The following SHB variants were observed in gnomAD, a reference collection of about 807,000 sequenced individuals.
The protein encoded by SHB is SH2 domain-containing adapter protein B.
SHB carries 20 observed loss-of-function variants against 52.3 expected under a neutral mutation model. That is an observed-to-expected ratio of 0.38 (90% CI 0.27 to 0.56). The LOEUF (loss-of-function observed/expected upper bound fraction) is 0.56, where lower values mean the gene tolerates loss of function less well. SHB is among the 20% of genes least tolerant of loss of function. The pLI, the probability that SHB is intolerant of heterozygous loss-of-function variation, is 0.71. For synonymous variants in SHB, 397 were observed against 316.5 expected (o/e 1.25, Z -2.70); for missense variants, 825 against 723.3 (o/e 1.14, Z -1.61).
At chr9:38,000,742 C>A (rs1587237458) in intron 2 of SHB, among the ~76,000 whole-genome samples, 3 of 152,234 alleles carry the variant, frequency 2.0e-5, no homozygotes, top group African/African-American at 7.2e-5. Context: ...CCCCTCAAGG[C>A]TGAGAGGCTT....
chr9:38,068,531 G>C lies in SHB; in HGVS notation c.115C>G (p.Gln39Glu). The C allele has an allele frequency of 1.4e-6, 2 of 1,458,010 alleles. No homozygotes were observed. The highest frequency in any genetic ancestry group is 1.8e-6 in the Non-Finnish European group (2 of 1,116,182). The allele number at this position is 1,458,010 out of a possible 1,614,324, so 90.3% of individuals were successfully genotyped here. A position where few individuals can be genotyped will look rare whatever the true frequency, so the allele number is the denominator to read the frequency against. ...GCCTGCGGCACGGCCTGGGGGGGCT[G>C]CGAAGGCCGCTCGCCTCGGCGCCGC... ...EQRRRGERPS[Q>E]PPQAVPQASS... Residue 39 changes from glutamine to glutamate, a missense_variant, in exon 1 of 6, where the codon CAG becomes GAG. Transcript: ENST00000377707.
At position 38,064,982 on chromosome 9, in the gene SHB, G is replaced by A. The variant is rs1034986266; in HGVS notation, c.717+2947C>T. ...TACAAATAAAAAAAATTAGCCAGGC[G>A]TGACAGTACATGGCCCCAGTTACTC... On this transcript the variant is annotated intron_variant, in intron 1 of 5. Coordinates refer to ENST00000377707, the MANE Select transcript of SHB (RefSeq NM_003028.3). Among the ~76,000 whole-genome samples the A allele has an allele frequency of 5.9e-5, 9 of 152,194 alleles. No individual in the cohort carries two copies. In the East Asian group the frequency reaches 9.6e-4, roughly 16 times the overall value.
chr9:37,995,153 G>A (rs1312031225), intron 2 of SHB, among the ~76,000 whole-genome samples: 3 of 152,096 alleles, frequency 2.0e-5, no homozygotes, highest in African/African-American at 7.2e-5. Context: ...GCAGGCGGGC[G>A]GCAGCTGTCA....
chr9:37,963,282 G>C (rs1411540651), intron 3 of SHB, among the ~76,000 whole-genome samples: 2 of 152,224 alleles, frequency 1.3e-5, no homozygotes, highest in Non-Finnish European at 2.9e-5. Context: ...CTGGCCTGAA[G>C]TCTATGACCC....
intron 5 of SHB, among the ~76,000 whole-genome samples, chr9:37,928,768 A>G (rs1380345819): frequency 5.3e-5 from 8 of 152,226 alleles, no homozygotes; most frequent in Admixed American, 4.6e-4. Flanking sequence ...CCCCTTATGT[A>G]AAGGTGTAAG....
chr9:37,951,516 C>A (rs946241799), intron 4 of SHB, among the ~76,000 whole-genome samples: 1 of 152,254 alleles, frequency 6.6e-6, no homozygotes, highest in Non-Finnish European at 1.5e-5. Context: ...CTGTGTAACA[C>A]ACCCTCAGTG....
At chr9:37,941,939 C>T (rs1185351301) in intron 5 of SHB, among the ~76,000 whole-genome samples, 1 of 152,194 alleles carries the variant, frequency 6.6e-6, no homozygotes, top group African/African-American at 2.4e-5. Context: ...CTCATATCCC[C>T]ACTCCCACTG....
intron 1 of SHB, among the ~76,000 whole-genome samples, chr9:38,022,884 C>T (rs1338288463): frequency 6.6e-6 from 1 of 152,190 alleles, no homozygotes; most frequent in Non-Finnish European, 1.5e-5. Flanking sequence ...GCTCCTGCTG[C>T]GTGGGGTGTC....
At chr9:37,929,959 G>A (rs114620823) in intron 5 of SHB, among the ~76,000 whole-genome samples, 1,763 of 152,138 alleles carry the variant, frequency 0.012, 27 homozygotes, top group East Asian at 0.075. Context: ...AAAATTAGCC[G>A]GGCATGGTGG....
intron 2 of SHB, among the ~76,000 whole-genome samples, chr9:37,987,134 T>C (rs372076712): frequency 6.6e-6 from 1 of 152,172 alleles, no homozygotes; most frequent in African/African-American, 2.4e-5. Context: ...AGAGGGGCTG[T>C]GGTGCAGCCA....
At chr9:37,979,175 T>G (rs985759624) in intron 2 of SHB, among the ~76,000 whole-genome samples, 1 of 152,130 alleles carries the variant, frequency 6.6e-6, no homozygotes, top group Admixed American at 6.5e-5. Context: ...TCACAAGTTA[T>G]CTGAACATCA....
chr9:37,936,406 T>C (rs746495876), intron 5 of SHB, among the ~76,000 whole-genome samples: 2 of 152,220 alleles, frequency 1.3e-5, no homozygotes, highest in Non-Finnish European at 2.9e-5. Flanking sequence ...GCATGTGATA[T>C]ACGGCTACCG....
chr9:37,946,466 G>C (rs556577183), intron 5 of SHB, among the ~76,000 whole-genome samples: 5 of 152,326 alleles, frequency 3.3e-5, no homozygotes, highest in Admixed American at 2.6e-4. Flanking sequence ...ACTGGGTCTA[G>C]GTTCCTTGTG....
chr9:37,992,003 AAGGAGG>A (rs1227788803), intron 2 of SHB, among the ~76,000 whole-genome samples: 3 of 152,220 alleles, frequency 2.0e-5, no homozygotes, highest in Admixed American at 6.5e-5. Flanking sequence ...AGAGTAGGTA[AAGGAGG>A]AGGTCCAGAT....
At chr9:38,057,650 T>C (rs1237807058) in intron 1 of SHB, among the ~76,000 whole-genome samples, 1 of 152,244 alleles carries the variant, frequency 6.6e-6, no homozygotes, top group African/African-American at 2.4e-5. Context: ...CCAGAGGGAT[T>C]ACCGGGCTGT....
chr9:37,918,682 G>A lies in SHB; in HGVS notation c.*1139C>T, dbSNP rs1456863946. The stretch of plus-strand genomic sequence containing the variant: ...CTGCTGGTGAGCTGTGTGGCTTTGG[G>A]CAAATGACGTTCCTTCTCTGTCTCC... On this transcript the variant is annotated 3_prime_UTR_variant, in exon 6 of 6. Transcript: ENST00000377707. 6.6e-6 allele frequency among the ~76,000 whole-genome samples: 1 copy of A among 152,134 alleles called. No homozygotes were observed. Among genetic ancestry groups the A allele is most frequent in the East Asian group, 1.9e-4 (1 of 5,194 alleles).
intron 2 of SHB, among the ~76,000 whole-genome samples, chr9:38,001,122 A>G (rs1587237707): frequency 6.6e-6 from 1 of 152,190 alleles, no homozygotes; most frequent in Non-Finnish European, 1.5e-5. Context: ...TCAGAGACCA[A>G]GTCAACTCAG....
chr9:37,978,867 T>C (rs142506631), intron 2 of SHB, among the ~76,000 whole-genome samples: 704 of 152,328 alleles, frequency 4.6e-3, no homozygotes, highest in Non-Finnish European at 7.6e-3. Flanking sequence ...AAAAATGTAA[T>C]TAAGATGAGC....
intron 1 of SHB, among the ~76,000 whole-genome samples, chr9:38,056,971 G>A (rs1337746369): frequency 6.6e-6 from 1 of 152,214 alleles, no homozygotes; most frequent in African/African-American, 2.4e-5. Flanking sequence ...GAATTCCGAG[G>A]ATTGTGTGAG....
Sources: gnomAD v4.1 joint callset for allele counts (sites outside exome capture counted in the v4.1 genomes callset) on GRCh38, gnomAD v4.1.1 for gene constraint, MANE v1.5 for transcripts, NCBI Gene and HGNC (gene_info 2026-07-23, HGNC 2026-07-21) for gene names.